Variants in TRIM55 observed in about 807,000 individuals in gnomAD.
TRIM55 encodes the protein tripartite motif containing 55.
Under a neutral mutation model 60.9 loss-of-function variants are expected in TRIM55, and 50 were observed. That is an observed-to-expected ratio of 0.82 (90% CI 0.65 to 1.04). The LOEUF (loss-of-function observed/expected upper bound fraction) is 1.04, where lower values mean the gene tolerates loss of function less well. Among genes scored for constraint, TRIM55 ranks in the 50% least tolerant of loss-of-function variants. The pLI, the probability that TRIM55 is intolerant of heterozygous loss-of-function variation, is 0.00. For synonymous variants in TRIM55, 237 were observed against 238.1 expected, an observed-to-expected ratio of 1.00 and a Z score of 0.04; for missense variants, 681 against 666.9, an observed-to-expected ratio of 1.02 and a Z score of -0.23.
chr8:66,141,017 C>T (rs1194851525), intron 4 of TRIM55, among the ~76,000 whole-genome samples: 1 of 152,146 alleles, frequency 6.6e-6, no homozygotes, highest in African/African-American at 2.4e-5. Context: ...CCCCAGAGCC[C>T]TTTGGTGGCT....
chr8:66,113,569 C>T, the TRIM55 span: 2 of 456,314 alleles, frequency 4.4e-6, no homozygotes, highest in Admixed American at 2.3e-5. Context: ...AGCGCTTTCT[C>T]CCCATTTTGG....
chr8:66,159,110 T>C (rs1327892236), intron 9 of TRIM55, among the ~76,000 whole-genome samples: 1 of 152,244 alleles, frequency 6.6e-6, no homozygotes, highest in Non-Finnish European at 1.5e-5. Context: ...ATGTGTAGCA[T>C]TGTATAGCTA....
Position 66,127,408 on chromosome 8 carries a change from G to A in TRIM55, c.140G>A (p.Cys47Tyr). The A allele has an allele frequency of 6.2e-7, 1 of 1,613,844 alleles. No homozygotes were observed. Among genetic ancestry groups the A allele is most frequent in the Non-Finnish European group, 8.5e-7 (1 of 1,179,838 alleles). Residue 47 changes from cysteine to tyrosine, a missense_variant, in exon 1 of 10, where the codon TGT becomes TAT. By Grantham distance (194) the Cys-to-Tyr change is radical. Transcript: ENST00000315962. The part of the protein sequence containing the change: ...VVILPCQHNL[C>Y]RKCASDIFQA... ...ATTCTCCCTTGTCAGCACAACCTGT[G>A]TAGGAAATGTGCCAGTGATATTTTC...
upstream of TRIM55, among the ~76,000 whole-genome samples, chr8:66,122,417 C>T (rs1586153688): frequency 6.6e-6 from 1 of 152,166 alleles, no homozygotes; most frequent in African/African-American, 2.4e-5. Context: ...CAATGTTCAT[C>T]TTGCATGTGT....
At chr8:66,157,524 T>C (rs753079087) in intron 9 of TRIM55, among the ~76,000 whole-genome samples, 6 of 152,228 alleles carry the variant, frequency 3.9e-5, no homozygotes, top group Non-Finnish European at 5.9e-5. Flanking sequence ...ATTTCATCAC[T>C]AGGCTTACCT....
At chr8:66,156,464 CT>C (rs1281170204) in intron 9 of TRIM55, among the ~76,000 whole-genome samples, 9 of 152,108 alleles carry the variant, frequency 5.9e-5, no homozygotes, top group Non-Finnish European at 8.8e-5. Context: ...ATAGCCAAGC[CT>C]TTGCTTGATT....
intron 8 of TRIM55, 22 bp downstream of exon 8, chr8:66,152,649 T>C: frequency 6.2e-7 from 1 of 1,608,916 alleles, no homozygotes; most frequent in Non-Finnish European, 8.5e-7. Flanking sequence ...TGAGTCTCTT[T>C]CTACAGGGCA....
chr8:66,126,699 A>T (rs1258307283), upstream of TRIM55, among the ~76,000 whole-genome samples: 1 of 152,140 alleles, frequency 6.6e-6, no homozygotes, highest in African/African-American at 2.4e-5. Context: ...TTTTCGAGAC[A>T]TGTTTTGTTC....
intron 4 of TRIM55, among the ~76,000 whole-genome samples, chr8:66,146,722 C>G (rs1810114542): frequency 6.6e-6 from 1 of 152,148 alleles, no homozygotes; most frequent in South Asian, 2.1e-4. Flanking sequence ...AAAGATAATA[C>G]AGTGAAAGAG....
chr8:66,124,594 C>T (rs749074383), upstream of TRIM55, among the ~76,000 whole-genome samples: 1 of 151,990 alleles, frequency 6.6e-6, no homozygotes. Context: ...TTCCTCTGAC[C>T]CTGAAATGCT....
the TRIM55 span, chr8:66,113,353 C>G: frequency 8.3e-6 from 3 of 361,360 alleles, no homozygotes; most frequent in East Asian, 7.7e-5. Context: ...GGGACGCCGA[C>G]ACACGTACAC....
At chr8:66,120,417 G>A in the TRIM55 span, among the ~76,000 whole-genome samples, 31 of 152,176 alleles carry the variant, frequency 2.0e-4, 1 homozygote, top group African/African-American at 4.8e-5. Context: ...GACGGGGAAG[G>A]GGGGTTGGGG....
chr8:66,134,562 G>T (rs759858333), intron 2 of TRIM55, among the ~76,000 whole-genome samples: 6 of 152,178 alleles, frequency 3.9e-5, no homozygotes, highest in Admixed American at 2.0e-4. Context: ...TAATGGGAAA[G>T]TGTCCCTTGA....
At chr8:66,154,378 A>G (rs761526608) in intron 9 of TRIM55, 44 bp downstream of exon 9, 2 of 1,595,166 alleles carry the variant, frequency 1.3e-6, no homozygotes, top group South Asian at 2.3e-5. Flanking sequence ...CGCGCCCCCT[A>G]GGGTCCCACT....
intron 3 of TRIM55, among the ~76,000 whole-genome samples, chr8:66,135,788 G>C (rs964204311): frequency 6.6e-6 from 1 of 152,036 alleles, no homozygotes; most frequent in Non-Finnish European, 1.5e-5. Context: ...ATTCTGAGCA[G>C]ACAGAAAGAC....
At chr8:66,125,549 AC>A (rs1317503248), upstream of TRIM55, among the ~76,000 whole-genome samples, 4 of 152,230 alleles carry the variant, frequency 2.6e-5, no homozygotes, top group Admixed American at 1.3e-4. Flanking sequence ...AAAATATCCC[AC>A]ATATTGTACT....
intron 5 of TRIM55, 63 bp downstream of exon 5, chr8:66,149,941 A>G (rs151234521): frequency 5.9e-5 from 76 of 1,295,522 alleles, no homozygotes; most frequent in Non-Finnish European, 8.1e-5. Context: ...ATTAGTTATC[A>G]CATTTTTATT....
At chr8:66,129,022 A>G (rs751422938) in intron 2 of TRIM55, among the ~76,000 whole-genome samples, 3 of 152,186 alleles carry the variant, frequency 2.0e-5, no homozygotes, top group Non-Finnish European at 2.9e-5. Context: ...AGCAAGGCAA[A>G]ACCCTGGCCT....
At chr8:66,144,773 A>T (rs1160535736) in intron 4 of TRIM55, among the ~76,000 whole-genome samples, 1 of 152,276 alleles carries the variant, frequency 6.6e-6, no homozygotes, top group Non-Finnish European at 1.5e-5. Context: ...AGCAAGGAGC[A>T]GTCTTTGAGA....
Sources: allele counts gnomAD v4.1 joint callset (sites outside exome capture counted in the v4.1 genomes callset), GRCh38; gene constraint gnomAD v4.1.1; transcripts MANE v1.5; gene names NCBI Gene and HGNC (gene_info 2026-07-23, HGNC 2026-07-21).